TBC1D22A: variants seen among roughly 807,000 people sequenced by gnomAD.
TBC1D22A encodes the protein putative GTPase activator.
Under a neutral mutation model 60.2 loss-of-function variants are expected in TBC1D22A, and 38 were observed. The observed-to-expected ratio is 0.63, with a 90% CI of 0.49 to 0.83. The LOEUF (loss-of-function observed/expected upper bound fraction) is 0.83, where lower values mean the gene tolerates loss of function less well. TBC1D22A is among the 40% of genes least tolerant of loss of function. TBC1D22A has a pLI of 0.00. For missense variants in TBC1D22A, 628 were observed against 701.0 expected, an observed-to-expected ratio of 0.90 and a Z score of 1.18; for synonymous variants, 302 against 281.7, an observed-to-expected ratio of 1.07 and a Z score of -0.72.
chr22:46,860,729 C>T (rs1006135434), intron 4 of TBC1D22A, among the ~76,000 whole-genome samples: 7 of 152,214 alleles, frequency 4.6e-5, no homozygotes, highest in African/African-American at 1.4e-4. Flanking sequence ...TGGCGACAGG[C>T]GTCCTGGAGA....
At chr22:46,789,413 A>G in intron 1 of TBC1D22A, 1 of 455,968 alleles carries the variant, frequency 2.2e-6, no homozygotes, top group Non-Finnish European at 4.5e-6. Flanking sequence ...TGCTCCTGTG[A>G]CATGCTCTTG....
At chr22:47,170,505 A>AT (rs1289834578) in intron 12 of TBC1D22A, among the ~76,000 whole-genome samples, 15 of 152,212 alleles carry the variant, frequency 9.9e-5, no homozygotes, top group Admixed American at 9.8e-4. Flanking sequence ...CCTGAATTCA[A>AT]TTTAAAGGCC....
intron 4 of TBC1D22A, among the ~76,000 whole-genome samples, chr22:46,836,490 T>A (rs2086527155): frequency 1.3e-5 from 2 of 148,604 alleles, no homozygotes; most frequent in East Asian, 2.0e-4. Flanking sequence ...ATATGGAAAA[T>A]ATAAAGAGAA....
chr22:46,921,956 A>G (rs891157355), intron 8 of TBC1D22A, among the ~76,000 whole-genome samples: 1 of 152,130 alleles, frequency 6.6e-6, no homozygotes, highest in African/African-American at 2.4e-5. Context: ...TGGTCATGAA[A>G]TCTTTGCCAG....
intron 8 of TBC1D22A, among the ~76,000 whole-genome samples, chr22:46,933,166 C>A (rs901021755): frequency 4.6e-5 from 7 of 152,206 alleles, no homozygotes; most frequent in African/African-American, 1.7e-4. Flanking sequence ...CCATTCCTAT[C>A]TTTGAGCTGT....
chr22:47,145,139 G>A (rs2067242382), intron 12 of TBC1D22A, among the ~76,000 whole-genome samples: 1 of 152,166 alleles, frequency 6.6e-6, no homozygotes, highest in Non-Finnish European at 1.5e-5. Flanking sequence ...TTACATCTGG[G>A]GCAGGTGAGG....
intron 9 of TBC1D22A, among the ~76,000 whole-genome samples, chr22:46,985,169 C>T (rs1602814465): frequency 6.6e-6 from 1 of 152,166 alleles, no homozygotes; most frequent in African/African-American, 2.4e-5. Flanking sequence ...AGAGAGAAAG[C>T]GCACTCCAGC....
chr22:47,030,494 G>A (rs527932549), intron 10 of TBC1D22A, among the ~76,000 whole-genome samples: 10 of 152,348 alleles, frequency 6.6e-5, no homozygotes, highest in African/African-American at 1.9e-4. Flanking sequence ...AAAGTGCTGG[G>A]AAAAGTGTTC....
At chr22:46,934,036 A>G (rs1332444541) in intron 8 of TBC1D22A, among the ~76,000 whole-genome samples, 2 of 151,974 alleles carry the variant, frequency 1.3e-5, no homozygotes, top group Non-Finnish European at 2.9e-5. Context: ...TCTTTTTTCT[A>G]TTTGCTTTTC....
intron 11 of TBC1D22A, among the ~76,000 whole-genome samples, chr22:47,048,019 A>G (rs189815220): frequency 3.0e-3 from 456 of 152,290 alleles, no homozygotes; most frequent in Middle Eastern, 0.01. Flanking sequence ...TGTTCCTTAA[A>G]TGAAAGGAAC....
chr22:47,162,570 T>C (rs2068030144), intron 12 of TBC1D22A, among the ~76,000 whole-genome samples: 1 of 152,196 alleles, frequency 6.6e-6, no homozygotes, highest in African/African-American at 2.4e-5. Context: ...TCTATAGTCA[T>C]CTTCCCCCAA....
rs772597380 is a variant in TBC1D22A at position 47,036,979 on chromosome 22, G to A, written c.1202-92G>A. ...CCCTGTTGGAGTGGGGTTCTGAGGCGGGCGCAGGCCCTTGGGGGACAAGTG... is the reference window on the plus strand; with the variant it reads ...CCCTGTTGGAGTGGGGTTCTGAGGCAGGCGCAGGCCCTTGGGGGACAAGTG... On this transcript the variant is annotated intron_variant, in intron 10 of 12. Transcript: ENST00000337137. 216 of 1,529,854 alleles carry A rather than the reference G, an allele frequency of 1.4e-4. 1 individual carries two copies. Among genetic ancestry groups the A allele is most frequent in the Admixed American group, 1.0e-3 (57 of 56,576 alleles). The allele number at this position is 1,529,854 out of a possible 1,614,324, so 94.8% of individuals were successfully genotyped here. A position where few individuals can be genotyped will look rare whatever the true frequency, so the allele number is the denominator to read the frequency against.
At chr22:47,005,258 C>A (rs923473353) in intron 10 of TBC1D22A, among the ~76,000 whole-genome samples, 1 of 151,478 alleles carries the variant, frequency 6.6e-6, no homozygotes, top group African/African-American at 2.4e-5. Flanking sequence ...ACTATACACA[C>A]ACCCCCTACA....
chr22:46,886,789 G>A (rs1056583129), intron 5 of TBC1D22A, among the ~76,000 whole-genome samples: 1 of 152,228 alleles, frequency 6.6e-6, no homozygotes, highest in African/African-American at 2.4e-5. Flanking sequence ...ATTTGAGCCT[G>A]TAGGCCATGT....
chr22:47,047,503 G>GA (rs2063069435), intron 11 of TBC1D22A, among the ~76,000 whole-genome samples: 1 of 152,206 alleles, frequency 6.6e-6, no homozygotes, highest in South Asian at 2.1e-4. Flanking sequence ...GCTGGAAATA[G>GA]ATGGAGACAG....
At chr22:46,883,765 G>A (rs552913060) in intron 5 of TBC1D22A, among the ~76,000 whole-genome samples, 1 of 152,312 alleles carries the variant, frequency 6.6e-6, no homozygotes, top group South Asian at 2.1e-4. Context: ...CCTGGCTGCT[G>A]CACACAGCTT....
intron 11 of TBC1D22A, among the ~76,000 whole-genome samples, chr22:47,096,796 T>A (rs2065195754): frequency 6.6e-6 from 1 of 152,206 alleles, no homozygotes; most frequent in South Asian, 2.1e-4. Context: ...CACTCCAGCC[T>A]GGGTGGCAGA....
intron 8 of TBC1D22A, among the ~76,000 whole-genome samples, chr22:46,958,428 A>G (rs949407982): frequency 3.3e-5 from 5 of 152,072 alleles, no homozygotes; most frequent in African/African-American, 1.2e-4. Context: ...TTACATTGGG[A>G]TGGGACAGGG....
intron 4 of TBC1D22A, among the ~76,000 whole-genome samples, chr22:46,863,280 G>A (rs1189810155): frequency 6.6e-6 from 1 of 152,234 alleles, no homozygotes; most frequent in Non-Finnish European, 1.5e-5. Flanking sequence ...CTTCATGGAG[G>A]AGATGATGTT....
Sources: gnomAD v4.1 joint callset for allele counts (sites outside exome capture counted in the v4.1 genomes callset) on GRCh38, gnomAD v4.1.1 for gene constraint, MANE v1.5 for transcripts, NCBI Gene and HGNC (gene_info 2026-07-23, HGNC 2026-07-21) for gene names.